ANO1: variants seen among roughly 807,000 people sequenced by gnomAD.
ANO1 encodes the protein anoctamin-1.
A neutral mutation model predicts 124.0 loss-of-function variants in ANO1; 59 were observed. The ratio of observed to expected loss-of-function variants is 0.48; its 90% CI spans 0.39 to 0.59. The LOEUF (loss-of-function observed/expected upper bound fraction) is 0.59. Among genes scored for constraint, ANO1 ranks in the 20% least tolerant of loss-of-function variants. ANO1 has a pLI of 0.00. For missense variants in ANO1, 1,059 were observed against 1,328.0 expected, an observed-to-expected ratio of 0.80 and a Z score of 3.15; for synonymous variants, 529 against 532.0, an observed-to-expected ratio of 0.99 and a Z score of 0.08.
intron 11 of ANO1, among the ~76,000 whole-genome samples, chr11:70,145,336 G>T (rs2047328185): frequency 6.6e-6 from 1 of 152,206 alleles, no homozygotes; most frequent in South Asian, 2.1e-4. Flanking sequence ...CTGTGGCCAA[G>T]TGGAAAGGTA....
chr11:70,004,134 C>G (rs1206076968), intron 1 of ANO1, among the ~76,000 whole-genome samples: 1 of 152,224 alleles, frequency 6.6e-6, no homozygotes. Flanking sequence ...GGTCCTCACA[C>G]AGTGGTCTCA....
At chr11:70,122,895 G>A (rs2046350574) in intron 8 of ANO1, among the ~76,000 whole-genome samples, 1 of 152,216 alleles carries the variant, frequency 6.6e-6, no homozygotes, top group African/African-American at 2.4e-5. Flanking sequence ...TGGCTGCTTT[G>A]CTTTTGCAGA....
intron 10 of ANO1, chr11:70,129,559 C>T (rs2046660859): frequency 6.6e-6 from 1 of 152,234 alleles, no homozygotes; most frequent in South Asian, 2.1e-4. Context: ...GCTGTGGCTG[C>T]AATGAATTCT....
intron 1 of ANO1, among the ~76,000 whole-genome samples, chr11:70,010,142 T>TGC (rs1856564695): frequency 1.9e-5 from 1 of 51,468 alleles, no homozygotes. Flanking sequence ...ATGGTGTGTG[T>TGC]GTGTGTGTGT....
chr11:70,123,155 G>C (rs2046362994), intron 8 of ANO1, among the ~76,000 whole-genome samples: 1 of 152,172 alleles, frequency 6.6e-6, no homozygotes, highest in Non-Finnish European at 1.5e-5. Context: ...TCTCGATTCG[G>C]GGGTGGGGGA....
At chr11:70,124,482 G>C in intron 9 of ANO1, 68 bp downstream of exon 9, 1 of 1,502,836 alleles carries the variant, frequency 6.7e-7, no homozygotes, top group Non-Finnish European at 9.2e-7. Context: ...ACATCCCTGT[G>C]GGTTTCAACC....
At chr11:70,178,080 C>G (rs1039099114) in intron 22 of ANO1, among the ~76,000 whole-genome samples, 2 of 152,152 alleles carry the variant, frequency 1.3e-5, no homozygotes, top group African/African-American at 2.4e-5. Context: ...AGTCACTCAG[C>G]AAACATTTAC....
chr11:70,132,199 G>A lies in ANO1; in HGVS notation c.1258+120G>A, dbSNP rs961787143. The A allele has an allele frequency of 1.7e-5, 22 of 1,309,250 alleles. No individual in the cohort carries two copies. The African/African-American group carries it at 2.1e-4, about 12-fold the overall frequency. The allele number at this position is 1,309,250 out of a possible 1,614,324, so 81.1% of individuals were successfully genotyped here. ...GCAGGGGTTGTCGGGAAAAAACATAGGGGAAGGGGGCTGGTGGAAACGACC... is the reference window on the plus strand; with the variant it reads ...GCAGGGGTTGTCGGGAAAAAACATAAGGGAAGGGGGCTGGTGGAAACGACC... On this transcript the variant is annotated intron_variant, in intron 11 of 25. Coordinates refer to ENST00000355303, the MANE Select transcript of ANO1 (RefSeq NM_018043.7).
Position 70,173,482 on chromosome 11 carries a change from T to C in ANO1, c.2350+2443T>C, listed in dbSNP as rs151036774. On this transcript the variant is annotated intron_variant, in intron 22 of 25. Transcript: ENST00000355303. Reference sequence around the variant, plus strand: ...GAGCTAACCAACCCTCCGAAGACCCTGCTAACCACCAGCATCCCTGTTTTG... The same window carrying C: ...GAGCTAACCAACCCTCCGAAGACCCCGCTAACCACCAGCATCCCTGTTTTG... Among the ~76,000 whole-genome samples the C allele has an allele frequency of 2.5e-3, 384 of 152,348 alleles. 3 individuals carry two copies. Among genetic ancestry groups the C allele is most frequent in the African/African-American group, 8.6e-3 (357 of 41,590 alleles).
At chr11:70,056,548 A>T (rs1336713482) in intron 1 of ANO1, 1 of 152,160 alleles carries the variant, frequency 6.6e-6, no homozygotes, top group Non-Finnish European at 1.5e-5. Flanking sequence ...AGGAAAAAAA[A>T]TAACGCAAGA....
chr11:70,014,262 A>C (rs1283924108), intron 1 of ANO1, among the ~76,000 whole-genome samples: 2 of 115,648 alleles, frequency 1.7e-5, no homozygotes, highest in African/African-American at 3.3e-5. Context: ...AAAAGATTGC[A>C]ACCCCCCCAC....
At chr11:70,026,228 G>C (rs562314580) in intron 1 of ANO1, among the ~76,000 whole-genome samples, 322 of 142,478 alleles carry the variant, frequency 2.3e-3, no homozygotes, top group African/African-American at 7.9e-3. Flanking sequence ...GATGATGACA[G>C]TAATGATGGT....
chr11:70,086,794 CCT>C (rs1487455481), intron 1 of ANO1, among the ~76,000 whole-genome samples: 1 of 152,202 alleles, frequency 6.6e-6, no homozygotes, highest in Non-Finnish European at 1.5e-5. Context: ...TTAACCCACC[CCT>C]GTCAGCCTCC....
chr11:70,165,857 AAAAAAAT>A (rs2048236257), intron 20 of ANO1, among the ~76,000 whole-genome samples: 1 of 121,430 alleles, frequency 8.2e-6, no homozygotes, highest in African/African-American at 2.7e-5. Flanking sequence ...GCACCTCTAC[AAAAAAAT>A]AAAAAGTTAG....
chr11:70,164,554 C>A (rs1401950627), intron 19 of ANO1, among the ~76,000 whole-genome samples: 1 of 152,230 alleles, frequency 6.6e-6, no homozygotes, highest in Admixed American at 6.5e-5. Flanking sequence ...CTCTCCAAGA[C>A]AAGTGTAGGG....
chr11:69,989,688 T>C (rs1856117106), intron 1 of ANO1, among the ~76,000 whole-genome samples: 1 of 152,092 alleles, frequency 6.6e-6, no homozygotes, highest in South Asian at 2.1e-4. Flanking sequence ...CCTCTGGCTG[T>C]CCTACAGAGA....
At chr11:70,049,399 G>C (rs1857313748) in intron 1 of ANO1, among the ~76,000 whole-genome samples, 1 of 152,188 alleles carries the variant, frequency 6.6e-6, no homozygotes, top group Admixed American at 6.5e-5. Context: ...TGTCAAACGG[G>C]GATATGATTG....
At chr11:70,171,907 G>A (rs1484318629) in intron 22 of ANO1, among the ~76,000 whole-genome samples, 1 of 152,158 alleles carries the variant, frequency 6.6e-6, no homozygotes, top group African/African-American at 2.4e-5. Flanking sequence ...GGTTGTGGCT[G>A]CAGTGAGCCA....
chr11:70,102,851 G>C (rs2135351708), intron 2 of ANO1, among the ~76,000 whole-genome samples: 1 of 152,272 alleles, frequency 6.6e-6, no homozygotes, highest in African/African-American at 2.4e-5. Flanking sequence ...GTATGACCTG[G>C]GGGAGCTCCC....
Sources: gnomAD v4.1 joint callset for allele counts (sites outside exome capture counted in the v4.1 genomes callset) on GRCh38, gnomAD v4.1.1 for gene constraint, MANE v1.5 for transcripts, NCBI Gene and HGNC (gene_info 2026-07-23, HGNC 2026-07-21) for gene names.